KLRG1: variants seen among roughly 807,000 people sequenced by gnomAD.
KLRG1 encodes the protein killer cell lectin like receptor G1.
KLRG1 carries 16 observed loss-of-function variants against 21.8 expected under a neutral mutation model. The ratio of observed to expected loss-of-function variants is 0.73; its 90% CI spans 0.50 to 1.11. The LOEUF (loss-of-function observed/expected upper bound fraction) is 1.11, where lower values mean the gene tolerates loss of function less well. Among genes scored for constraint, KLRG1 ranks in the 50% most tolerant of loss-of-function variants. The pLI, the probability that KLRG1 is intolerant of heterozygous loss-of-function variation, is 0.00. For synonymous variants in KLRG1, 69 were observed against 75.9 expected, an observed-to-expected ratio of 0.91 and a Z score of 0.47; for missense variants, 173 against 218.3, an observed-to-expected ratio of 0.79 and a Z score of 1.31.
At chr12:8,980,166 G>GCTGGGATTA (rs902447434) in intron 1 of KLRG1, among the ~76,000 whole-genome samples, 1 of 152,106 alleles carries the variant, frequency 6.6e-6, no homozygotes, top group Non-Finnish European at 1.5e-5. Flanking sequence ...CTCTCAAAGT[G>GCTGGGATTA]CTGGGATTAC....
the KLRG1 span, chr12:9,095,047 C>A: frequency 6.3e-7 from 1 of 1,595,122 alleles, no homozygotes; most frequent in South Asian, 1.2e-5. Flanking sequence ...TTTGGGTTTA[C>A]GAATCTTTGA....
the KLRG1 span, among the ~76,000 whole-genome samples, chr12:9,018,298 A>G: frequency 2.0e-5 from 3 of 152,180 alleles, no homozygotes; most frequent in African/African-American, 7.2e-5. Flanking sequence ...CAGAATAGCC[A>G]AAGCCATCCT....
chr12:9,020,986 A>G, the KLRG1 span, among the ~76,000 whole-genome samples: 1 of 152,250 alleles, frequency 6.6e-6, no homozygotes, highest in Non-Finnish European at 1.5e-5. Context: ...AAACCTGCAC[A>G]GCAAGTTACT....
intron 2 of KLRG1, among the ~76,000 whole-genome samples, chr12:8,994,289 C>T (rs1947065329): frequency 6.6e-6 from 1 of 152,148 alleles, no homozygotes; most frequent in African/African-American, 2.4e-5. Context: ...TGATCTTGAA[C>T]TCCTGGCCTC....
At chr12:9,023,195 C>G in the KLRG1 span, among the ~76,000 whole-genome samples, 114 of 152,158 alleles carry the variant, frequency 7.5e-4, 3 homozygotes, top group East Asian at 0.022. Context: ...TGAGCCCTGA[C>G]CTTTTGGGAT....
chr12:9,132,267 G>T, the KLRG1 span, among the ~76,000 whole-genome samples: 1 of 152,194 alleles, frequency 6.6e-6, no homozygotes, highest in Non-Finnish European at 1.5e-5. Context: ...TTAAGCAGCT[G>T]CTAGTTGCTT....
At chr12:9,112,054 A>T in the KLRG1 span, 1 of 1,049,706 alleles carries the variant, frequency 9.5e-7, no homozygotes, top group Non-Finnish European at 1.5e-6. Context: ...AGTTACTGTT[A>T]ATGATACCAG....
intron 3 of KLRG1, among the ~76,000 whole-genome samples, chr12:9,004,518 G>A (rs1462860397): frequency 6.6e-6 from 1 of 152,184 alleles, no homozygotes; most frequent in African/African-American, 2.4e-5. Flanking sequence ...ACCCAGGCTG[G>A]AGAGCAATGG....
chr12:9,089,166 T>C, the KLRG1 span: 639 of 1,488,036 alleles, frequency 4.3e-4, 1 homozygote, highest in Non-Finnish European at 5.7e-4. Flanking sequence ...TGTTAGACTT[T>C]AATGTTTTTT....
the KLRG1 span, chr12:9,113,225 T>C: frequency 2.3e-6 from 2 of 853,196 alleles, no homozygotes; most frequent in Admixed American, 5.8e-5. Flanking sequence ...CCTTAATTTC[T>C]ATACTTAGTT....
the KLRG1 span, chr12:9,160,573 CAG>C: frequency 0.62 from 777,547 of 1,252,876 alleles, 244,901 homozygotes; most frequent in East Asian, 0.9. Context: ...CCTTTATATT[CAG>C]AGTCTATCAT....
the KLRG1 span, among the ~76,000 whole-genome samples, chr12:9,198,155 C>G: frequency 1.7e-4 from 26 of 151,180 alleles, no homozygotes; most frequent in Admixed American, 1.7e-3. Context: ...TCCCAACTAG[C>G]ATGGGTAACA....
chr12:8,991,933 A>G (rs1487525381), intron 1 of KLRG1: 1 of 231,130 alleles, frequency 4.3e-6, no homozygotes, highest in African/African-American at 2.3e-5. Flanking sequence ...TTGTATTCTC[A>G]CCACCTAAGT....
chr12:9,152,313 G>A, the KLRG1 span: 2 of 1,606,834 alleles, frequency 1.2e-6, no homozygotes, highest in Non-Finnish European at 1.7e-6. Flanking sequence ...CTGTGTAACT[G>A]TAGTGTCAAA....
chr12:9,214,911 T>G, the KLRG1 span, among the ~76,000 whole-genome samples: 3 of 148,792 alleles, frequency 2.0e-5, no homozygotes, highest in Non-Finnish European at 4.4e-5. Context: ...TAAAAAAAAA[T>G]TTTTAAGTCA....
chr12:9,094,601 T>G, the KLRG1 span, among the ~76,000 whole-genome samples: 4 of 152,016 alleles, frequency 2.6e-5, no homozygotes, highest in African/African-American at 9.7e-5. Context: ...TACTATTCAG[T>G]TCATCAAAGA....
the KLRG1 span, chr12:9,163,553 T>A: frequency 4.3e-5 from 52 of 1,197,618 alleles, 2 homozygotes; most frequent in South Asian, 8.6e-4. Context: ...GGAAATTCCA[T>A]TAGTCTTACA....
chr12:9,207,026 A>G, the KLRG1 span, among the ~76,000 whole-genome samples: 16 of 152,270 alleles, frequency 1.1e-4, no homozygotes, highest in South Asian at 3.3e-3. Context: ...GTGGGGGAGA[A>G]ATGTACCCCT....
chr12:8,992,161 A>T, intron 1 of KLRG1, 45 bp from the exon 2 acceptor site: 1 of 1,504,364 alleles, frequency 6.6e-7, no homozygotes, highest in Non-Finnish European at 9.1e-7. Flanking sequence ...TTTTCTTTCA[A>T]CCTGTCATCT....
Sources: gnomAD v4.1 joint callset for allele counts (sites outside exome capture counted in the v4.1 genomes callset) on GRCh38, gnomAD v4.1.1 for gene constraint, MANE v1.5 for transcripts, NCBI Gene and HGNC (gene_info 2026-07-23, HGNC 2026-07-21) for gene names.